The following KIF24 variants were observed in gnomAD, a reference collection of about 807,000 sequenced individuals.
KIF24 encodes the protein kinesin family member 24, also known as kinesin-like protein KIF24.
KIF24 carries 81 observed loss-of-function variants against 118.9 expected under a neutral mutation model. That is an observed-to-expected ratio of 0.68 (90% CI 0.57 to 0.82). The LOEUF is 0.82. Among genes scored for constraint, KIF24 ranks in the 40% least tolerant of loss-of-function variants. KIF24 has a pLI of 0.00. For missense variants in KIF24, 1,560 were observed against 1,661.6 expected (o/e 0.94, Z 1.06); for synonymous variants, 599 against 610.0 (o/e 0.98, Z 0.27).
chr9:34,329,592 T>G (rs969392194), upstream of KIF24: 1 of 152,332 alleles, frequency 6.6e-6, no homozygotes, highest in Non-Finnish European at 1.5e-5. Context: ...TACCTCCTTC[T>G]GCTTCGGGTG....
intron 7 of KIF24, among the ~76,000 whole-genome samples, chr9:34,270,348 C>T (rs1307075765): frequency 1.3e-5 from 2 of 151,596 alleles, no homozygotes; most frequent in Non-Finnish European, 2.9e-5. Context: ...AACCCTGTCT[C>T]TACTAAAAAT....
intron 1 of KIF24, among the ~76,000 whole-genome samples, chr9:34,316,337 T>TAA (rs76592313): frequency 1.4e-5 from 2 of 140,472 alleles, no homozygotes; most frequent in Non-Finnish European, 3.1e-5. Flanking sequence ...GAGACTCTAT[T>TAA]AAAAAAAAAA....
chr9:34,310,082 G>A (rs949090696), intron 2 of KIF24, among the ~76,000 whole-genome samples: 2 of 151,122 alleles, frequency 1.3e-5, no homozygotes, highest in Non-Finnish European at 2.9e-5. Context: ...ATTCTAACTC[G>A]AAGCACTAGG....
At chr9:34,319,806 G>A (rs1563965389) in intron 1 of KIF24, among the ~76,000 whole-genome samples, 2 of 152,080 alleles carry the variant, frequency 1.3e-5, no homozygotes, top group African/African-American at 2.4e-5. Flanking sequence ...TGCTTGAACG[G>A]CCCTTCCCAG....
At chr9:34,283,482 T>C (rs533478055) in intron 6 of KIF24, among the ~76,000 whole-genome samples, 1 of 152,214 alleles carries the variant, frequency 6.6e-6, no homozygotes, top group South Asian at 2.1e-4. Flanking sequence ...AAGGTGAATG[T>C]TACGGTATAT....
chr9:34,325,875 C>A (rs1020818886), intron 1 of KIF24, among the ~76,000 whole-genome samples: 8 of 152,130 alleles, frequency 5.3e-5, no homozygotes, highest in African/African-American at 1.7e-4. Flanking sequence ...GACAGAGATG[C>A]TGGTGCCCTG....
chr9:34,286,776 C>T, intron 5 of KIF24, 72 bp from the exon 6 acceptor site: 1 of 970,528 alleles, frequency 1.0e-6, no homozygotes, highest in Non-Finnish European at 1.6e-6. Context: ...CCCCAGAAAC[C>T]ATTCCACCAT....
chr9:34,262,181 A>C (rs914545040), intron 9 of KIF24, among the ~76,000 whole-genome samples: 3 of 152,084 alleles, frequency 2.0e-5, no homozygotes, highest in Non-Finnish European at 4.4e-5. Flanking sequence ...CAATTGCCTC[A>C]GCTTCCCAAA....
At chr9:34,278,356 G>C (rs1835730675) in intron 6 of KIF24, among the ~76,000 whole-genome samples, 1 of 152,128 alleles carries the variant, frequency 6.6e-6, no homozygotes, top group Non-Finnish European at 1.5e-5. Flanking sequence ...GTTGCGGTGA[G>C]TCAAGATCAT....
At chr9:34,330,834 G>A (rs997675806), upstream of KIF24, among the ~76,000 whole-genome samples, 1 of 151,688 alleles carries the variant, frequency 6.6e-6, no homozygotes, top group African/African-American at 2.4e-5. Flanking sequence ...GGTGGCGGGC[G>A]CCTGTGGTCC....
At position 34,324,753 on chromosome 9, in the gene KIF24, T is replaced by C. The variant is rs749791290; in HGVS notation, c.-26+4353A>G. On this transcript the variant is annotated intron_variant, in intron 1 of 12. Transcript: ENST00000402558. ...CTAGCCCCTTCCTCACTCTACAGTT[T>C]AGTCAACTTCTTAGACCGTTTTATT... 5.9e-5 allele frequency among the ~76,000 whole-genome samples: 9 copies of C among 152,350 alleles called. 1 individual carries two copies. Among genetic ancestry groups the C allele is most frequent in the Non-Finnish European group, 1.3e-4 (9 of 68,040 alleles).
chr9:34,286,564 T>G (rs1836058606), intron 6 of KIF24, 53 bp downstream of exon 6: 1 of 1,295,298 alleles, frequency 7.7e-7, no homozygotes, highest in African/African-American at 1.5e-5. Context: ...ATGAATTTGT[T>G]CCCTGTACTT....
chr9:34,310,953 T>C lies in KIF24; in HGVS notation c.394A>G (p.Thr132Ala), dbSNP rs1465119502. 19 of 1,613,984 alleles carry C rather than the reference T, an allele frequency of 1.2e-5. No individual in the cohort carries two copies. Among genetic ancestry groups the C allele is most frequent in the Non-Finnish European group, 1.6e-5 (19 of 1,179,852 alleles). Residue 132 changes from threonine to alanine, a missense_variant, in exon 2 of 13, where the codon ACT becomes GCT. Transcript: ENST00000402558. ...SDFSANEQKS[T>A]YLKVLEHMLP... ...ATGTGTTCTAGCACTTTTAGGTAAGTGGACTTCTGTTCATTTGCAGAGAAA... is the reference window on the plus strand; with the variant it reads ...ATGTGTTCTAGCACTTTTAGGTAAGCGGACTTCTGTTCATTTGCAGAGAAA...
At position 34,253,718 on chromosome 9, in the gene KIF24, TG is replaced by T. The variant is rs1834700893; in HGVS notation, c.*661del. On this transcript the variant is annotated 3_prime_UTR_variant, in exon 13 of 13. Coordinates refer to ENST00000402558, the MANE Select transcript of KIF24 (RefSeq NM_194313.4). ...CAGGCACCCTCTTCTGCCTCAACAC[TG>T]GATTGCAGGAAGGGAAGGGAGCTGT... 6.6e-6 allele frequency: 1 copy of T among 152,256 alleles called. No individual in the cohort carries two copies. Among genetic ancestry groups the T allele is most frequent in the African/African-American group, 2.4e-5 (1 of 41,442 alleles). The allele number at this position is 152,256 out of a possible 1,614,324, so 9.4% of individuals were successfully genotyped here. A position where few individuals can be genotyped will look rare whatever the true frequency, so the allele number is the denominator to read the frequency against.
chr9:34,301,997 C>CT (rs778142590), intron 3 of KIF24, among the ~76,000 whole-genome samples: 62,187 of 137,376 alleles, frequency 0.45, 16,574 homozygotes, highest in South Asian at 0.64. Flanking sequence ...ATTTTTTTTT[C>CT]TTTTTTTTTT....
chr9:34,277,951 C>T (rs1835714769), intron 6 of KIF24, among the ~76,000 whole-genome samples: 1 of 152,260 alleles, frequency 6.6e-6, no homozygotes, highest in Admixed American at 6.5e-5. Flanking sequence ...AGTCACTTAA[C>T]TTTTAAGGGT....
Position 34,283,052 on chromosome 9 carries a change from CAAAA to C in KIF24, c.1215+3561_1215+3564del, listed in dbSNP as rs33926979. On this transcript the variant is annotated intron_variant, in intron 6 of 12. Transcript: ENST00000402558. ...GGGCGACAAGAGCAAAACTCCGTCT[CAAAA>C]AAAAAAAAAAAAAAAAAAAGAATAT... 4.6e-4 allele frequency among the ~76,000 whole-genome samples: 32 copies of C among 69,066 alleles called. 1 individual carries two copies. The East Asian group carries it at 6.9e-3, about 15-fold the overall frequency. The allele number at this position is 69,066 out of a possible 152,430, so 45.3% of individuals were successfully genotyped here.
chr9:34,276,053 T>C (rs1466506007), intron 6 of KIF24, among the ~76,000 whole-genome samples: 2 of 152,208 alleles, frequency 1.3e-5, no homozygotes, highest in Non-Finnish European at 2.9e-5. Context: ...AAAGTCCATG[T>C]ATTTTTCACT....
At chr9:34,332,873 A>G (rs899977181), upstream of KIF24, among the ~76,000 whole-genome samples, 3 of 152,138 alleles carry the variant, frequency 2.0e-5, no homozygotes, top group Non-Finnish European at 4.4e-5. Context: ...TATTGTTCTT[A>G]CAAGAAAGAG....
Sources: gnomAD v4.1 joint callset for allele counts (sites outside exome capture counted in the v4.1 genomes callset) on GRCh38, gnomAD v4.1.1 for gene constraint, MANE v1.5 for transcripts, NCBI Gene and HGNC (gene_info 2026-07-23, HGNC 2026-07-21) for gene names.